The following HEBP2 variants were observed in gnomAD, a reference collection of about 807,000 sequenced individuals.
The protein encoded by HEBP2 is heme binding protein 2, also known as heme-binding protein 2.
HEBP2 carries 27 observed loss-of-function variants against 23.1 expected under a neutral mutation model. That is an observed-to-expected ratio of 1.17 (90% CI 0.86 to 1.61). The LOEUF is 1.61. Ranked by LOEUF, HEBP2 falls within the 40% of genes most tolerant of loss-of-function variation. The pLI, the probability that HEBP2 is intolerant of heterozygous loss-of-function variation, is 0.00. For missense variants in HEBP2, 245 were observed against 253.8 expected (o/e 0.97, Z 0.24); for synonymous variants, 99 against 95.1 (o/e 1.04, Z -0.24).
intron 1 of HEBP2, among the ~76,000 whole-genome samples, 175 bp from the exon 2 acceptor site, chr6:138,404,970 C>T (rs1431262538): frequency 2.0e-5 from 3 of 151,802 alleles, no homozygotes; most frequent in African/African-American, 7.3e-5. Context: ...AGGGGAACCT[C>T]GTGGAGGGGA....
upstream of HEBP2, chr6:138,403,540 G>T: frequency 2.0e-6 from 1 of 487,856 alleles, no homozygotes; most frequent in South Asian, 3.5e-5. Context: ...GCCCCGGAGA[G>T]CCTCGGAGCT....
At chr6:138,409,792 C>G (rs1469003032) in intron 3 of HEBP2, among the ~76,000 whole-genome samples, 1 of 152,224 alleles carries the variant, frequency 6.6e-6, no homozygotes, top group Non-Finnish European at 1.5e-5. Context: ...CCCTTCCCAC[C>G]ACTTGGGCTT....
In HEBP2 at chr6:138,421,503, C is replaced by T. The variant is rs1473650387; in HGVS notation, c.*8425C>T. ...TGACAGACCAAGCAGTAATTTGTTTCTCTCCCCACTGATAGTAAAAATAAA... is the reference window on the plus strand; with the variant it reads ...TGACAGACCAAGCAGTAATTTGTTTTTCTCCCCACTGATAGTAAAAATAAA... On this transcript the variant is annotated 3_prime_UTR_variant, in exon 4 of 4. Transcript: ENST00000607197. The T allele has an allele frequency of 1.3e-5, 2 of 152,302 alleles. No homozygotes were observed. Among genetic ancestry groups the T allele is most frequent in the South Asian group, 2.1e-4 (1 of 4,822 alleles). The allele number at this position is 152,302 out of a possible 1,614,324, so 9.4% of individuals were successfully genotyped here. A position where few individuals can be genotyped will look rare whatever the true frequency, so the allele number is the denominator to read the frequency against.
At chr6:138,407,244 G>A (rs542781135) in intron 3 of HEBP2, among the ~76,000 whole-genome samples, 14 of 152,190 alleles carry the variant, frequency 9.2e-5, no homozygotes, top group Non-Finnish European at 1.9e-4. Flanking sequence ...TTCATCCTGC[G>A]GCCGATTCCC....
chr6:138,419,214 A>G lies in HEBP2; in HGVS notation c.*6136A>G, dbSNP rs1202870591. The G allele has an allele frequency of 6.6e-6, 1 of 152,342 alleles. No individual in the cohort carries two copies. The highest frequency in any genetic ancestry group is 2.4e-5 in the African/African-American group (1 of 41,576). The allele number at this position is 152,342 out of a possible 1,614,324, so 9.4% of individuals were successfully genotyped here. The stretch of plus-strand genomic sequence containing the variant: ...CATGGGCTCCCACTTACCAAGGCCA[A>G]CTTAGACACTGCTCACTGTGACTAT... On this transcript the variant is annotated 3_prime_UTR_variant, in exon 4 of 4. Coordinates refer to ENST00000607197, the MANE Select transcript of HEBP2 (RefSeq NM_014320.3).
chr6:138,412,804 C>A, intron 3 of HEBP2, 76 bp from the exon 4 acceptor site: 1 of 1,272,594 alleles, frequency 7.9e-7, no homozygotes, highest in South Asian at 1.3e-5. Context: ...ACGGTACTAG[C>A]GCCCGCTTTT....
At chr6:138,405,911 A>G in intron 2 of HEBP2, 60 bp from the exon 3 acceptor site, 3 of 1,320,276 alleles carry the variant, frequency 2.3e-6, no homozygotes, top group Non-Finnish European at 3.2e-6. Context: ...AAAAAAGAAT[A>G]GGTTAAATGT....
At chr6:138,404,057 C>T (rs184790662), upstream of HEBP2, among the ~76,000 whole-genome samples, 3,831 of 152,030 alleles carry the variant, frequency 0.025, 73 homozygotes, top group South Asian at 0.043. Context: ...GCCCGCGGTT[C>T]CCAGCGCGGG....
intron 3 of HEBP2, among the ~76,000 whole-genome samples, chr6:138,407,601 C>T (rs1023906164): frequency 2.0e-5 from 3 of 152,228 alleles, no homozygotes; most frequent in Non-Finnish European, 2.9e-5. Flanking sequence ...AATTGCACAC[C>T]GGTGGCCCTC....
At position 138,404,394 on chromosome 6, in the gene HEBP2, G is replaced by C. The variant is rs548497126; in HGVS notation, c.-102G>C. The C allele has an allele frequency of 4.2e-6, 3 of 721,802 alleles. No homozygotes were observed. Among genetic ancestry groups the C allele is most frequent in the Non-Finnish European group, 3.8e-6 (2 of 532,918 alleles). The allele number at this position is 721,802 out of a possible 1,614,324, so 44.7% of individuals were successfully genotyped here. On this transcript the variant is annotated 5_prime_UTR_variant, in exon 1 of 4. Transcript: ENST00000607197. Reference sequence around the variant, plus strand: ...GGAGGAGGGACCGGGTCTGCGGAGCGGGGACTCGGGGCCTCGGCGGGGCGC... The same window carrying C: ...GGAGGAGGGACCGGGTCTGCGGAGCCGGGACTCGGGGCCTCGGCGGGGCGC...
intron 1 of HEBP2, 31 bp downstream of exon 1, chr6:138,404,628 G>T: frequency 1.6e-6 from 2 of 1,242,248 alleles, no homozygotes; most frequent in Non-Finnish European, 2.0e-6. Flanking sequence ...GGAGGGGCTG[G>T]GCCCGCCTTC....
Position 138,413,063 on chromosome 6 carries a change from C to T in HEBP2, c.603C>T (p.Thr201=), listed in dbSNP as rs932812093. 1.2e-6 allele frequency: 2 copies of T among 1,612,092 alleles called. No individual in the cohort carries two copies. Among genetic ancestry groups the T allele is most frequent in the African/African-American group, 2.7e-5 (2 of 74,922 alleles). Residue 201 remains threonine, a synonymous_variant, in exon 4 of 4, where the codon ACC becomes ACT. Coordinates refer to ENST00000607197, the MANE Select transcript of HEBP2 (RefSeq NM_014320.3). ...EVWLIQKNEP[T]KENE ...GGTTGATTCAAAAAAATGAACCCAC[C>T]AAAGAAAACGAATGAGAAAAATGAA...
chr6:138,419,172 T>A lies in HEBP2; in HGVS notation c.*6094T>A, dbSNP rs939179884. The A allele has an allele frequency of 1.3e-5, 2 of 152,202 alleles. No individual in the cohort carries two copies. Among genetic ancestry groups the A allele is most frequent in the African/African-American group, 4.8e-5 (2 of 41,448 alleles). The allele number at this position is 152,202 out of a possible 1,614,324, so 9.4% of individuals were successfully genotyped here. ...GCAGTGGTGGCAAAGATGGAGGCTA[T>A]GGATGGAACCCACCAACATGGGCTC... is the stretch of plus-strand genomic sequence containing the variant. On this transcript the variant is annotated 3_prime_UTR_variant, in exon 4 of 4. Transcript: ENST00000607197.
At position 138,420,770 on chromosome 6, in the gene HEBP2, C is replaced by T. The variant is rs1583110307; in HGVS notation, c.*7692C>T. On this transcript the variant is annotated 3_prime_UTR_variant, in exon 4 of 4. Coordinates refer to ENST00000607197, the MANE Select transcript of HEBP2 (RefSeq NM_014320.3). The stretch of plus-strand genomic sequence containing the variant: ...TGGGATGGCAGCTCGCCTGCTCTCC[C>T]TGCCTCGTCCTGCTTCCTCTTTTCC... The T allele has an allele frequency of 6.6e-6, 1 of 152,290 alleles. No homozygotes were observed. Among genetic ancestry groups the T allele is most frequent in the East Asian group, 1.9e-4 (1 of 5,202 alleles). 9.4% of individuals were successfully genotyped at this position (152,290 alleles called of 1,614,324 possible).
In HEBP2 at chr6:138,418,561, CAGG is replaced by C. The variant is rs1259203242; in HGVS notation, c.*5486_*5488del. 6.6e-6 allele frequency: 1 copy of C among 152,266 alleles called. No homozygotes were observed. Among genetic ancestry groups the C allele is most frequent in the Non-Finnish European group, 1.5e-5 (1 of 68,124 alleles). 9.4% of individuals were successfully genotyped at this position (152,266 alleles called of 1,614,324 possible). ...CATTGGAAGATGGAAATGATATGTA[CAGG>C]AGCAGTTCCAAGCCAGACCAGAGGA... On this transcript the variant is annotated 3_prime_UTR_variant, in exon 4 of 4. Transcript: ENST00000607197.
Position 138,406,151 on chromosome 6 carries a change from G to C in HEBP2, c.419G>C (p.Arg140Pro), listed in dbSNP as rs3734303. The part of the protein sequence containing the change: ...EDRAEMTVFV[R>P]SFDGFSSAQK... ...AGAGCCGAAATGACTGTGTTTGTAC[G>C]GTAAGTGGTAGATAATTTATAGCCT... Residue 140 changes from arginine (R) to proline (P), a missense_variant and splice_region_variant, in exon 3 of 4, where the codon CGG (arginine) becomes CCG (proline). Physicochemically the swap from Arg to Pro is moderately radical, Grantham distance 103. Coordinates refer to ENST00000607197, the MANE Select transcript of HEBP2 (RefSeq NM_014320.3). 6.2e-7 allele frequency: 1 copy of C among 1,612,714 alleles called. No individual in the cohort carries two copies. The highest frequency in any genetic ancestry group is 1.1e-5 in the South Asian group (1 of 90,776).
Position 138,415,576 on chromosome 6 carries a change from A to G in HEBP2, c.*2498A>G, listed in dbSNP as rs1774828759. On this transcript the variant is annotated 3_prime_UTR_variant, in exon 4 of 4. Coordinates refer to ENST00000607197, the MANE Select transcript of HEBP2 (RefSeq NM_014320.3). ...TAATGAAAAGCTGAGGTCAATTAAC[A>G]AACAAAACTAAGTGTGAGCCGCAGA... 6.6e-6 allele frequency: 1 copy of G among 152,172 alleles called. No homozygotes were observed. Among genetic ancestry groups the G allele is most frequent in the South Asian group, 2.1e-4 (1 of 4,822 alleles). The allele number at this position is 152,172 out of a possible 1,614,324, so 9.4% of individuals were successfully genotyped here.
Position 138,404,570 on chromosome 6 carries a change from G to A in HEBP2, c.75G>A (p.Trp25Ter), listed in dbSNP as rs1466481507. Reference protein sequence around the residue: ...AAAQAVETPGWKAPEDAGPQP... With the variant: ...AAAQAVETPG ...CCCAAGCTGTGGAGACGCCGGGCTG[G>A]AAGGCCCCGGAGGACGCCGGCCCCC... Residue 25 changes from tryptophan (W) to a stop codon, truncating the protein, a stop_gained, in exon 1 of 4, where the codon TGG (tryptophan) becomes TGA (stop). Coordinates refer to ENST00000607197, the MANE Select transcript of HEBP2 (RefSeq NM_014320.3). LOFTEE classifies it high-confidence loss of function. 2 of 1,306,094 alleles carry A rather than the reference G, an allele frequency of 1.5e-6. No individual in the cohort carries two copies. The highest frequency in any genetic ancestry group is 3.8e-5 in the Admixed American group (1 of 26,102). The allele number at this position is 1,306,094 out of a possible 1,614,324, so 80.9% of individuals were successfully genotyped here.
In HEBP2 at chr6:138,404,492, GCCCATGGCCGAGCCGCTCCAGCCAGAC is replaced by G; in HGVS notation, c.1_27del (p.MetAlaGluProLeuGlnProAspPro1_?9). On this transcript the variant is annotated start_lost and 5_prime_UTR_variant, in exon 1 of 4. Coordinates refer to ENST00000607197, the MANE Select transcript of HEBP2 (RefSeq NM_014320.3). ...ACCAGGCTCCCAGAGCGTCAGCGCCGCCCATGGCCGAGCCGCTCCAGCCAGACCCCGGGGCGGCCGAGGACGCGGCGG... is the reference window on the plus strand; with the variant it reads ...ACCAGGCTCCCAGAGCGTCAGCGCCGCCCGGGGCGGCCGAGGACGCGGCGG... 7.8e-7 allele frequency: 1 copy of G among 1,281,878 alleles called. No individual in the cohort carries two copies. Among genetic ancestry groups the G allele is most frequent in the African/African-American group, 1.5e-5 (1 of 64,580 alleles). 79.4% of individuals were successfully genotyped at this position (1,281,878 alleles called of 1,614,324 possible).
Sources: gnomAD v4.1 joint callset for allele counts (sites outside exome capture counted in the v4.1 genomes callset) on GRCh38, gnomAD v4.1.1 for gene constraint, MANE v1.5 for transcripts, NCBI Gene and HGNC (gene_info 2026-07-23, HGNC 2026-07-21) for gene names.